PCDHA12: variants seen among roughly 807,000 people sequenced by gnomAD.
The protein encoded by PCDHA12 is protocadherin alpha 12, also known as protocadherin alpha-12.
PCDHA12 carries 44 observed loss-of-function variants against 60.0 expected under a neutral mutation model. The observed-to-expected ratio is 0.73, with a 90% CI of 0.58 to 0.94. The LOEUF (loss-of-function observed/expected upper bound fraction) is 0.94. PCDHA12 is among the 40% of genes least tolerant of loss of function. PCDHA12 has a pLI of 0.00. For missense variants in PCDHA12, 1,276 were observed against 1,239.7 expected (o/e 1.03, Z -0.44); for synonymous variants, 569 against 553.0 (o/e 1.03, Z -0.40).
intron 1 of PCDHA12, among the ~76,000 whole-genome samples, chr5:140,906,871 A>G (rs953788729): frequency 6.6e-6 from 1 of 152,184 alleles, no homozygotes; most frequent in African/African-American, 2.4e-5. Flanking sequence ...CCCAGCCAAC[A>G]CTGTAACTTC....
At chr5:140,969,064 C>T (rs2096292525) in intron 1 of PCDHA12, 1 of 1,614,136 alleles carries the variant, frequency 6.2e-7, no homozygotes, top group Non-Finnish European at 8.5e-7. Context: ...ATATTGATGC[C>T]AGGATACCGC....
At chr5:140,918,560 G>A (rs1243205653) in intron 1 of PCDHA12, among the ~76,000 whole-genome samples, 1 of 152,180 alleles carries the variant, frequency 6.6e-6, no homozygotes, top group Non-Finnish European at 1.5e-5. Context: ...TGAGAAGAAT[G>A]TATATTATGC....
At chr5:140,903,545 CTT>C (rs1410531246) in intron 1 of PCDHA12, among the ~76,000 whole-genome samples, 2 of 152,130 alleles carry the variant, frequency 1.3e-5, no homozygotes, top group East Asian at 3.8e-4. Flanking sequence ...GAGCAAGAAA[CTT>C]TTCTAATAAG....
At chr5:140,995,500 G>A (rs541415385) in intron 3 of PCDHA12, among the ~76,000 whole-genome samples, 22 of 152,298 alleles carry the variant, frequency 1.4e-4, no homozygotes, top group Admixed American at 1.2e-3. Flanking sequence ...AAGGTTGACT[G>A]TGGGTAACTG....
At chr5:140,980,684 GAAAA>G (rs782726576) in intron 2 of PCDHA12, among the ~76,000 whole-genome samples, 3 of 145,064 alleles carry the variant, frequency 2.1e-5, no homozygotes, top group Non-Finnish European at 4.6e-5. Flanking sequence ...TTTTCAAATT[GAAAA>G]AAAAAAGCCA....
At chr5:140,999,755 A>G (rs932293037) in intron 3 of PCDHA12, among the ~76,000 whole-genome samples, 1 of 152,168 alleles carries the variant, frequency 6.6e-6, no homozygotes, top group South Asian at 2.1e-4. Context: ...TTCGCAGCAC[A>G]TGATGTCTTT....
intron 3 of PCDHA12, among the ~76,000 whole-genome samples, chr5:140,992,501 A>G (rs1437736734): frequency 6.6e-6 from 1 of 152,206 alleles, no homozygotes. Context: ...TAAGGATTCA[A>G]TCCTGGGGCA....
At chr5:140,891,424 G>A (rs932574419) in intron 1 of PCDHA12, among the ~76,000 whole-genome samples, 1 of 146,144 alleles carries the variant, frequency 6.8e-6, no homozygotes, top group Non-Finnish European at 1.5e-5. Context: ...TTGCCCCCAA[G>A]TCCCCAACGT....
rs1411970319 is a variant in PCDHA12, at chr5:140,927,470, G to A, written c.2367+49631G>A. The A allele has an allele frequency of 4.3e-6, 7 of 1,614,054 alleles. 1 individual carries two copies. The highest frequency in any genetic ancestry group is 3.3e-5 in the South Asian group (3 of 91,088). ...TTGGTGTTGGAGAAAGCACTGGATC[G>A]CGAACAGCGCGCCACCCACCTGCTG... On this transcript the variant is annotated intron_variant, in intron 1 of 3. Transcript: ENST00000398631.
At chr5:140,879,878 T>C (rs1462304142) in intron 1 of PCDHA12, among the ~76,000 whole-genome samples, 1 of 152,198 alleles carries the variant, frequency 6.6e-6, no homozygotes, top group Non-Finnish European at 1.5e-5. Context: ...ATGGTCACAT[T>C]GCCTCCTCCT....
At chr5:140,991,569 A>G (rs1157834136) in intron 3 of PCDHA12, among the ~76,000 whole-genome samples, 4 of 152,188 alleles carry the variant, frequency 2.6e-5, no homozygotes, top group Admixed American at 6.5e-5. Flanking sequence ...GTTTCCAATA[A>G]CAGGCTCCTT....
chr5:140,927,313 G>A (rs1229449253), intron 1 of PCDHA12: 6 of 1,614,074 alleles, frequency 3.7e-6, no homozygotes, highest in Admixed American at 3.3e-5. Context: ...GACGCCCGGA[G>A]CCCGCTTTAC....
intron 3 of PCDHA12, among the ~76,000 whole-genome samples, chr5:140,993,099 C>T (rs1253807421): frequency 6.6e-6 from 1 of 152,206 alleles, no homozygotes; most frequent in Non-Finnish European, 1.5e-5. Context: ...TATGTTTATT[C>T]AGCGGTCAGT....
At position 140,876,514 on chromosome 5, in the gene PCDHA12, C is replaced by T. The variant is rs782076196; in HGVS notation, c.1042C>T (p.Pro348Ser). ...VEVLDVNDNV[P>S]EVMVTSLSLP... ...AGTTCTGGACGTGAATGACAATGTC[C>T]CTGAAGTAATGGTTACTTCACTGTC... The change falls in exon 1 of 4, where the codon CCT (proline) becomes TCT (serine). Residue 348 changes from proline (P) to serine (S), a missense_variant. By Grantham distance (74) the Pro-to-Ser change is moderately conservative. Coordinates refer to ENST00000398631, the MANE Select transcript of PCDHA12 (RefSeq NM_018903.4). 2.5e-6 allele frequency: 4 copies of T among 1,614,026 alleles called. No homozygotes were observed. In the Admixed American group the frequency reaches 6.7e-5, roughly 27 times the overall value.
intron 1 of PCDHA12, among the ~76,000 whole-genome samples, chr5:140,915,075 A>G (rs111889109): frequency 6.6e-6 from 1 of 151,436 alleles, no homozygotes; most frequent in South Asian, 2.1e-4. Context: ...CCTACTGAGT[A>G]GCTGGGACTA....
chr5:140,886,815 A>G (rs1251237856), intron 1 of PCDHA12, among the ~76,000 whole-genome samples: 1 of 149,622 alleles, frequency 6.7e-6, no homozygotes, highest in African/African-American at 2.5e-5. Context: ...TGACAGAGCA[A>G]GACTTCGTCT....
At chr5:140,911,589 C>A (rs1583792136) in intron 1 of PCDHA12, among the ~76,000 whole-genome samples, 1 of 152,302 alleles carries the variant, frequency 6.6e-6, no homozygotes, top group Middle Eastern at 3.4e-3. Flanking sequence ...TTAGGAGGAA[C>A]CAACCAACTT....
intron 1 of PCDHA12, among the ~76,000 whole-genome samples, chr5:140,919,978 A>C (rs993704497): frequency 7.5e-6 from 1 of 134,032 alleles, no homozygotes; most frequent in Non-Finnish European, 1.7e-5. Flanking sequence ...AAGAGATAGA[A>C]GATGGAAAAC....
At chr5:140,995,000 T>A (rs149795080) in intron 3 of PCDHA12, among the ~76,000 whole-genome samples, 1 of 152,328 alleles carries the variant, frequency 6.6e-6, no homozygotes, top group African/African-American at 2.4e-5. Flanking sequence ...GTTAGTTGGT[T>A]TGTTTATATT....
Sources: gnomAD v4.1 joint callset for allele counts (sites outside exome capture counted in the v4.1 genomes callset) on GRCh38, gnomAD v4.1.1 for gene constraint, MANE v1.5 for transcripts, NCBI Gene and HGNC (gene_info 2026-07-23, HGNC 2026-07-21) for gene names.